The following PCDH15 variants were observed in gnomAD, a reference collection of about 807,000 sequenced individuals.
The protein encoded by PCDH15 is protocadherin related 15.
Under a neutral mutation model 178.5 loss-of-function variants are expected in PCDH15, and 129 were observed. The ratio of observed to expected loss-of-function variants is 0.72; its 90% confidence interval spans 0.63 to 0.84. The LOEUF (loss-of-function observed/expected upper bound fraction) is 0.84, where lower values mean the gene tolerates loss of function less well. Among genes scored for constraint, PCDH15 ranks in the 40% least tolerant of loss-of-function variants. PCDH15 has a pLI of 0.00. For synonymous variants in PCDH15, 800 were observed against 732.0 expected (o/e 1.09, Z -1.50); for missense variants, 2,230 against 2,099.9 (o/e 1.06, Z -1.21).
At chr10:54,949,893 C>T (rs1170181998) in intron 2 of PCDH15, among the ~76,000 whole-genome samples, 1 of 152,022 alleles carries the variant, frequency 6.6e-6, no homozygotes, top group African/African-American at 2.4e-5. Context: ...CCATCTCAGT[C>T]TAGGCTTCAT....
chr10:54,090,706 A>T (rs1006131966), intron 15 of PCDH15, among the ~76,000 whole-genome samples: 1 of 151,638 alleles, frequency 6.6e-6, no homozygotes, highest in African/African-American at 2.4e-5. Flanking sequence ...TTTAATGTAT[A>T]TTCTTTTCTT....
chr10:55,094,345 A>T (rs893988561), intron 2 of PCDH15, among the ~76,000 whole-genome samples: 1 of 151,976 alleles, frequency 6.6e-6, no homozygotes, highest in Non-Finnish European at 1.5e-5. Context: ...GAACACTGAG[A>T]ACACTTGGAC....
intron 16 of PCDH15, among the ~76,000 whole-genome samples, chr10:54,083,384 A>G (rs1181888670): frequency 6.6e-6 from 1 of 152,248 alleles, no homozygotes; most frequent in African/African-American, 2.4e-5. Flanking sequence ...TTAAACGTCT[A>G]TCAATTTATG....
intron 3 of PCDH15, among the ~76,000 whole-genome samples, chr10:54,421,862 T>C (rs58786416): frequency 0.48 from 54,256 of 113,620 alleles, 14,118 homozygotes; most frequent in Middle Eastern, 0.62. Context: ...TATATATATA[T>C]ACACACACTA....
At chr10:54,162,269 C>T (rs2045794291) in intron 13 of PCDH15, among the ~76,000 whole-genome samples, 1 of 152,104 alleles carries the variant, frequency 6.6e-6, no homozygotes, top group Non-Finnish European at 1.5e-5. Flanking sequence ...ACTGTATGTT[C>T]CTCTGCCTTC....
chr10:55,110,294 A>C (rs1837467592), intron 2 of PCDH15, among the ~76,000 whole-genome samples: 1 of 152,028 alleles, frequency 6.6e-6, no homozygotes, highest in African/African-American at 2.4e-5. Flanking sequence ...TTTTAATAAG[A>C]TATTCAATGT....
At chr10:54,100,603 C>T (rs986708989) in intron 15 of PCDH15, among the ~76,000 whole-genome samples, 1 of 152,052 alleles carries the variant, frequency 6.6e-6, no homozygotes, top group Non-Finnish European at 1.5e-5. Context: ...TAGTGCTTAG[C>T]ATGCATTTAC....
At chr10:54,540,843 A>G (rs1418169421) in intron 2 of PCDH15, among the ~76,000 whole-genome samples, 2 of 152,144 alleles carry the variant, frequency 1.3e-5, no homozygotes, top group African/African-American at 2.4e-5. Context: ...AGGATGCAAG[A>G]TTGGTTCAAT....
chr10:54,402,981 T>C (rs997978402), intron 3 of PCDH15, among the ~76,000 whole-genome samples: 7 of 151,992 alleles, frequency 4.6e-5, no homozygotes, highest in African/African-American at 1.7e-4. Context: ...GTAACCAAGA[T>C]AGGCTGAACG....
At chr10:54,014,880 C>T (rs543458363) in intron 20 of PCDH15, among the ~76,000 whole-genome samples, 18 of 152,018 alleles carry the variant, frequency 1.2e-4, no homozygotes, top group African/African-American at 4.3e-4. Flanking sequence ...CTTATTGCCA[C>T]TCATCATAGT....
chr10:54,838,028 A>C (rs1312186008), intron 3 of PCDH15, among the ~76,000 whole-genome samples: 2 of 151,820 alleles, frequency 1.3e-5, no homozygotes, highest in Non-Finnish European at 2.9e-5. Context: ...GCTAGAATAC[A>C]TACTTGTCCA....
chr10:53,934,557 C>T (rs2085390199), intron 25 of PCDH15, among the ~76,000 whole-genome samples: 2 of 150,484 alleles, frequency 1.3e-5, no homozygotes, highest in African/African-American at 4.9e-5. Context: ...CAGATCACGC[C>T]ACTGCACTCC....
intron 3 of PCDH15, among the ~76,000 whole-genome samples, chr10:54,383,644 T>TGTGC (rs1248461964): frequency 6.6e-6 from 1 of 150,812 alleles, no homozygotes; most frequent in Non-Finnish European, 1.5e-5. Context: ...TGTGTGTGTG[T>TGTGC]GTGTGTGTGT....
At chr10:54,466,112 G>T (rs1448816423) in intron 3 of PCDH15, among the ~76,000 whole-genome samples, 1 of 151,852 alleles carries the variant, frequency 6.6e-6, no homozygotes, top group Non-Finnish European at 1.5e-5. Context: ...TTAGTCCCTT[G>T]ATGAAAGAGT....
chr10:54,749,229 T>G (rs189240411), intron 1 of PCDH15, among the ~76,000 whole-genome samples: 4 of 152,268 alleles, frequency 2.6e-5, no homozygotes, highest in Admixed American at 1.3e-4. Context: ...CATTAAAAAA[T>G]GTAATGCTTT....
At chr10:55,026,373 A>G (rs1840476160) in intron 2 of PCDH15, among the ~76,000 whole-genome samples, 1 of 151,994 alleles carries the variant, frequency 6.6e-6, no homozygotes, top group Admixed American at 6.6e-5. Flanking sequence ...CATTATGTAT[A>G]TAATATTATG....
intron 1 of PCDH15, among the ~76,000 whole-genome samples, chr10:55,237,139 A>G (rs1841404528): frequency 6.6e-6 from 1 of 152,128 alleles, no homozygotes; most frequent in South Asian, 2.1e-4. Flanking sequence ...TTAACATTAG[A>G]AAAGTTTAAA....
intron 20 of PCDH15, among the ~76,000 whole-genome samples, chr10:54,019,389 A>G (rs1225352940): frequency 6.6e-6 from 1 of 152,132 alleles, no homozygotes; most frequent in East Asian, 1.9e-4. Context: ...GATGTCTTGT[A>G]TAAGAAACAT....
At position 53,822,531 on chromosome 10, in the gene PCDH15, T is replaced by G. The variant is rs1369826568; in HGVS notation, c.4368-2301A>C. On this transcript the variant is annotated intron_variant, in intron 32 of 37. Transcript: ENST00000644397. ...GATGTTTGGTGGATGGGCAAAATTT[T>G]CAAAAATATTTCTTTCGGTTTCAAT... The G allele has an allele frequency of 3.1e-6, 5 of 1,613,470 alleles. No individual in the cohort carries two copies. Among genetic ancestry groups the G allele is most frequent in the African/African-American group, 1.3e-5 (1 of 74,876 alleles).
Sources: gnomAD v4.1 joint callset for allele counts (sites outside exome capture counted in the v4.1 genomes callset) on GRCh38, gnomAD v4.1.1 for gene constraint, MANE v1.5 for transcripts, NCBI Gene and HGNC (gene_info 2026-07-23, HGNC 2026-07-21) for gene names.